ALDH7A1: variants seen among roughly 807,000 people sequenced by gnomAD.
ALDH7A1 encodes the protein aldehyde dehydrogenase 7 family member A1.
Under a neutral mutation model 79.9 loss-of-function variants are expected in ALDH7A1, and 63 were observed. The ratio of observed to expected loss-of-function variants is 0.79; its 90% confidence interval spans 0.64 to 0.97. ALDH7A1 has a LOEUF of 0.97. ALDH7A1 is among the 50% of genes least tolerant of loss of function. The pLI, the probability that ALDH7A1 is intolerant of heterozygous loss-of-function variation, is 0.00. For synonymous variants in ALDH7A1, 240 were observed against 231.2 expected (o/e 1.04, Z -0.34); for missense variants, 627 against 665.2 (o/e 0.94, Z 0.63).
At chr5:126,571,113 C>A in intron 7 of ALDH7A1, 3 of 345,980 alleles carry the variant, frequency 8.7e-6, no homozygotes, top group Non-Finnish European at 1.1e-5. Flanking sequence ...TTTCTCCTCA[C>A]ATATTGAAAA....
At chr5:126,549,345 A>G (rs1749911197) in intron 16 of ALDH7A1, among the ~76,000 whole-genome samples, 2 of 152,082 alleles carry the variant, frequency 1.3e-5, no homozygotes, top group African/African-American at 4.8e-5. Context: ...TTGCTTCTAT[A>G]TTTAAAAAAA....
chr5:126,571,945 C>A (rs577151370), intron 7 of ALDH7A1, among the ~76,000 whole-genome samples: 3 of 152,130 alleles, frequency 2.0e-5, no homozygotes, highest in Non-Finnish European at 4.4e-5. Flanking sequence ...AATATCAGTG[C>A]CCTGCAGGCT....
At chr5:126,576,350 T>C (rs1237871017) in intron 6 of ALDH7A1, among the ~76,000 whole-genome samples, 2 of 151,886 alleles carry the variant, frequency 1.3e-5, no homozygotes, top group African/African-American at 4.8e-5. Flanking sequence ...CTCCCAAATA[T>C]GTCCTATTTT....
Position 126,544,416 on chromosome 5 carries a change from T to C in ALDH7A1, c.*549A>G, listed in dbSNP as rs1749715675. 6.2e-6 allele frequency: 1 copy of C among 161,220 alleles called. No individual in the cohort carries two copies. The highest frequency in any genetic ancestry group is 2.4e-5 in the African/African-American group (1 of 41,494). The allele number at this position is 161,220 out of a possible 1,614,324, so 10.0% of individuals were successfully genotyped here. A position where few individuals can be genotyped will look rare whatever the true frequency, so the allele number is the denominator to read the frequency against. On this transcript the variant is annotated 3_prime_UTR_variant, in exon 18 of 18. Coordinates refer to ENST00000409134, the MANE Select transcript of ALDH7A1 (RefSeq NM_001182.5). Reference sequence around the variant, plus strand: ...AAGCAAGAGCCATAACTGTGATGAATGCCTGTTGTCATTTTAAGCACTGCA... The same window carrying C: ...AAGCAAGAGCCATAACTGTGATGAACGCCTGTTGTCATTTTAAGCACTGCA...
At chr5:126,545,055 A>G (rs768109908) in intron 17 of ALDH7A1, 36 bp from the exon 18 acceptor site, 7 of 1,470,842 alleles carry the variant, frequency 4.8e-6, no homozygotes, top group South Asian at 1.1e-5. Flanking sequence ...ATGACAGTAC[A>G]TACATAACAG....
At chr5:126,573,604 A>G (rs1446843526) in intron 7 of ALDH7A1, among the ~76,000 whole-genome samples, 4 of 151,808 alleles carry the variant, frequency 2.6e-5, no homozygotes, top group African/African-American at 9.7e-5. Flanking sequence ...AGGCTGAAGC[A>G]GGAGAATCGC....
At chr5:126,556,482 G>T (rs193120688) in intron 11 of ALDH7A1, among the ~76,000 whole-genome samples, 26 of 152,180 alleles carry the variant, frequency 1.7e-4, no homozygotes, top group African/African-American at 5.8e-4. Flanking sequence ...GACCTCAGGT[G>T]ATCCACCCAC....
intron 3 of ALDH7A1, chr5:126,592,423 A>G: frequency 1.8e-6 from 1 of 557,974 alleles, no homozygotes; most frequent in South Asian, 2.3e-5. Flanking sequence ...TACCAGCACA[A>G]AGTTTTAATT....
chr5:126,572,211 A>G (rs1243722128), intron 7 of ALDH7A1, among the ~76,000 whole-genome samples: 1 of 152,164 alleles, frequency 6.6e-6, no homozygotes, highest in Non-Finnish European at 1.5e-5. Flanking sequence ...CTTTCATAGA[A>G]AAGGTATCAT....
At chr5:126,546,504 A>T (rs1168798040) in intron 16 of ALDH7A1, 105 bp from the exon 17 acceptor site, 4 of 996,924 alleles carry the variant, frequency 4.0e-6, no homozygotes, top group Non-Finnish European at 6.2e-6. Context: ...GAACAACCTG[A>T]TTATTTACTT....
intron 2 of ALDH7A1, 79 bp downstream of exon 2, chr5:126,593,272 A>G: frequency 6.3e-7 from 1 of 1,582,244 alleles, no homozygotes; most frequent in Non-Finnish European, 8.6e-7. Flanking sequence ...CCTCTAAAGA[A>G]AGCCTGCACA....
intron 3 of ALDH7A1, chr5:126,586,862 G>T (rs1309495331): frequency 6.6e-6 from 1 of 152,196 alleles, no homozygotes; most frequent in Non-Finnish European, 1.5e-5. Flanking sequence ...GAGGCAGGTG[G>T]ATCATTTGAG....
chr5:126,590,524 A>G (rs1018622130), intron 3 of ALDH7A1, among the ~76,000 whole-genome samples: 2 of 152,172 alleles, frequency 1.3e-5, no homozygotes, highest in Non-Finnish European at 2.9e-5. Context: ...ACACCACTGC[A>G]GAGTGACAGA....
At chr5:126,545,840 T>C (rs549637792) in intron 17 of ALDH7A1, among the ~76,000 whole-genome samples, 36 of 149,322 alleles carry the variant, frequency 2.4e-4, no homozygotes, top group African/African-American at 8.4e-4. Context: ...CAGCCCAGCA[T>C]GGTGGCTCAT....
At chr5:126,553,363 A>G (rs550540542) in intron 13 of ALDH7A1, 15 of 152,340 alleles carry the variant, frequency 9.8e-5, no homozygotes, top group East Asian at 7.7e-4. Context: ...TCTTCTCTGT[A>G]TCTTTCCAAT....
chr5:126,573,336 A>C (rs1220426508), intron 7 of ALDH7A1, among the ~76,000 whole-genome samples: 2 of 150,514 alleles, frequency 1.3e-5, no homozygotes, highest in Non-Finnish European at 2.9e-5. Flanking sequence ...CGAGGCAGGC[A>C]GATGACTTGA....
intron 3 of ALDH7A1, among the ~76,000 whole-genome samples, chr5:126,591,665 A>G (rs1399176274): frequency 2.0e-5 from 3 of 152,136 alleles, no homozygotes; most frequent in Non-Finnish European, 4.4e-5. Context: ...TACAAGACAA[A>G]GCACACTGAG....
intron 3 of ALDH7A1, chr5:126,584,214 C>T: frequency 1.8e-6 from 1 of 567,882 alleles, no homozygotes; most frequent in Non-Finnish European, 3.1e-6. Flanking sequence ...CTGGAAGGCA[C>T]AGAGGAGAAG....
In ALDH7A1 at chr5:126,555,076, G is replaced by A. The variant is rs374651846; in HGVS notation, c.1094-683C>T. On this transcript the variant is annotated intron_variant, in intron 12 of 17. Transcript: ENST00000409134. ...AAGGTGGAGCTCTGGGAGCAAGAGG[G>A]AAAATAGACACAGAAAGGCTGGTGA... is the stretch of plus-strand genomic sequence containing the variant. The A allele has an allele frequency of 1.5e-3, 236 of 157,978 alleles. 1 individual carries two copies. Among genetic ancestry groups the A allele is most frequent in the African/African-American group, 5.3e-3 (220 of 41,600 alleles). The allele number at this position is 157,978 out of a possible 1,614,324, so 9.8% of individuals were successfully genotyped here.
Sources: allele counts gnomAD v4.1 joint callset (sites outside exome capture counted in the v4.1 genomes callset), GRCh38; gene constraint gnomAD v4.1.1; transcripts MANE v1.5; gene names NCBI Gene and HGNC (gene_info 2026-07-23, HGNC 2026-07-21).